SCFD2: variants seen among roughly 807,000 people sequenced by gnomAD.
SCFD2 encodes sec1 family domain-containing protein 2.
SCFD2 carries 54 observed loss-of-function variants against 58.9 expected under a neutral mutation model. That is an observed-to-expected ratio of 0.92 (90% CI 0.74 to 1.15). SCFD2 has a LOEUF of 1.15. Among genes scored for constraint, SCFD2 ranks in the 50% most tolerant of loss-of-function variants. The pLI is 0.00. For synonymous variants in SCFD2, 321 were observed against 335.9 expected, an observed-to-expected ratio of 0.96 and a Z score of 0.49; for missense variants, 805 against 836.6, an observed-to-expected ratio of 0.96 and a Z score of 0.47.
chr4:53,040,127 A>C (rs556419933), intron 5 of SCFD2, among the ~76,000 whole-genome samples: 62 of 152,294 alleles, frequency 4.1e-4, no homozygotes, highest in African/African-American at 1.4e-3. Context: ...GTATGTTCTG[A>C]AATCCTACTT....
At chr4:53,015,358 T>C (rs186223148) in intron 5 of SCFD2, among the ~76,000 whole-genome samples, 4 of 152,272 alleles carry the variant, frequency 2.6e-5, no homozygotes, top group Admixed American at 1.3e-4. Flanking sequence ...GTGCTGTGCA[T>C]TGAGAATACA....
At chr4:53,223,003 T>C (rs1434006641) in intron 4 of SCFD2, among the ~76,000 whole-genome samples, 1 of 152,172 alleles carries the variant, frequency 6.6e-6, no homozygotes, top group Non-Finnish European at 1.5e-5. Flanking sequence ...GGAACCCATA[T>C]GGCACACAAA....
chr4:52,992,261 G>A (rs561400862), intron 5 of SCFD2, among the ~76,000 whole-genome samples: 3 of 152,296 alleles, frequency 2.0e-5, no homozygotes, highest in South Asian at 2.1e-4. Context: ...GCTCCTAACC[G>A]CGAGTGATCT....
intron 3 of SCFD2, among the ~76,000 whole-genome samples, chr4:53,307,043 G>A (rs1304651614): frequency 6.6e-6 from 1 of 152,210 alleles, no homozygotes; most frequent in East Asian, 1.9e-4. Context: ...TAAATCTCCT[G>A]CCTATGCCTC....
intron 5 of SCFD2, among the ~76,000 whole-genome samples, chr4:53,138,853 TCTCCCCCTCCCC>T (rs142484058): frequency 2.1e-5 from 3 of 141,654 alleles, no homozygotes; most frequent in Non-Finnish European, 1.5e-5. Flanking sequence ...AGAAAATCCC[TCTCCCCCTCCCC>T]CTCCCCCTCC....
chr4:53,124,401 A>G (rs1023085406), intron 5 of SCFD2, among the ~76,000 whole-genome samples: 15 of 152,234 alleles, frequency 9.9e-5, no homozygotes, highest in Admixed American at 9.8e-4. Flanking sequence ...AACTATGCAT[A>G]GGTTAAGTGT....
chr4:53,241,662 G>A (rs1476173082), intron 4 of SCFD2, among the ~76,000 whole-genome samples: 2 of 152,196 alleles, frequency 1.3e-5, no homozygotes, highest in Admixed American at 1.3e-4. Context: ...TGTGTGCACA[G>A]GCAAACCAAA....
intron 4 of SCFD2, among the ~76,000 whole-genome samples, chr4:53,178,898 C>A (rs1376731805): frequency 6.6e-6 from 1 of 152,008 alleles, no homozygotes; most frequent in African/African-American, 2.4e-5. Flanking sequence ...GACAGGGTAT[C>A]AGTGATGGAA....
chr4:52,967,217 A>C (rs1720983077), intron 5 of SCFD2, among the ~76,000 whole-genome samples: 1 of 152,128 alleles, frequency 6.6e-6, no homozygotes, highest in African/African-American at 2.4e-5. Context: ...CACATTCTTG[A>C]TCTTTCTACC....
At chr4:52,886,705 C>T (rs1718749703) in intron 7 of SCFD2, among the ~76,000 whole-genome samples, 1 of 152,202 alleles carries the variant, frequency 6.6e-6, no homozygotes, top group Non-Finnish European at 1.5e-5. Context: ...ATAAACAGCC[C>T]TTAGAGAGAT....
chr4:53,100,640 T>C (rs1724807145), intron 5 of SCFD2, among the ~76,000 whole-genome samples: 1 of 152,092 alleles, frequency 6.6e-6, no homozygotes, highest in African/African-American at 2.4e-5. Context: ...AAGAATAAAA[T>C]CTGGAGCAGG....
intron 4 of SCFD2, among the ~76,000 whole-genome samples, chr4:53,169,694 C>T (rs570495674): frequency 6.6e-6 from 1 of 152,174 alleles, no homozygotes. Context: ...TCCACATCCT[C>T]GCCCACACAT....
At chr4:52,951,572 TACTG>T (rs1198152496) in intron 5 of SCFD2, among the ~76,000 whole-genome samples, 5 of 152,210 alleles carry the variant, frequency 3.3e-5, no homozygotes, top group Non-Finnish European at 7.3e-5. Context: ...ATCATCTGCA[TACTG>T]ACTATCTGTA....
At chr4:53,250,336 C>T (rs1730312856) in intron 4 of SCFD2, among the ~76,000 whole-genome samples, 1 of 152,012 alleles carries the variant, frequency 6.6e-6, no homozygotes, top group South Asian at 2.1e-4. Context: ...ACTTAGACTC[C>T]CACACAATAA....
chr4:53,196,131 T>C (rs1445110419), intron 4 of SCFD2, among the ~76,000 whole-genome samples: 1 of 152,160 alleles, frequency 6.6e-6, no homozygotes, highest in African/African-American at 2.4e-5. Context: ...TACTTTGTCT[T>C]TTTAAAAATC....
intron 5 of SCFD2, among the ~76,000 whole-genome samples, chr4:53,011,441 C>G (rs1249250896): frequency 1.3e-5 from 2 of 152,174 alleles, no homozygotes; most frequent in Non-Finnish European, 2.9e-5. Flanking sequence ...GGAACCAGGA[C>G]ACTACTGAGC....
At chr4:53,073,639 T>A (rs550859862) in intron 5 of SCFD2, among the ~76,000 whole-genome samples, 1 of 152,050 alleles carries the variant, frequency 6.6e-6, no homozygotes, top group African/African-American at 2.4e-5. Flanking sequence ...CAGACATGAG[T>A]GGGCATAATG....
intron 4 of SCFD2, among the ~76,000 whole-genome samples, chr4:53,193,165 T>C (rs1027605537): frequency 1.3e-5 from 2 of 152,184 alleles, no homozygotes; most frequent in African/African-American, 2.4e-5. Context: ...AAAACAAGTC[T>C]ATCCAGGAAT....
chr4:53,252,587 T>C (rs1730432691), intron 4 of SCFD2, among the ~76,000 whole-genome samples: 1 of 151,314 alleles, frequency 6.6e-6, no homozygotes, highest in Admixed American at 6.6e-5. Context: ...ACCGCATATC[T>C]ACAACTGTCT....
Sources: allele counts gnomAD v4.1 joint callset (sites outside exome capture counted in the v4.1 genomes callset), GRCh38; gene constraint gnomAD v4.1.1; transcripts MANE v1.5; gene names NCBI Gene and HGNC (gene_info 2026-07-23, HGNC 2026-07-21).